The following STIP1 variants were observed in gnomAD, a reference collection of about 807,000 sequenced individuals.
The protein encoded by STIP1 is stress induced phosphoprotein 1, also known as stress-induced-phosphoprotein 1.
In STIP1, 16 loss-of-function variants were observed where a neutral mutation model predicts 77.4. That is an observed-to-expected ratio of 0.21 (90% CI 0.14 to 0.31). The LOEUF is 0.31. STIP1 is among the 10% of genes least tolerant of loss of function. The pLI, the probability that STIP1 is intolerant of heterozygous loss-of-function variation, is 1.00. For synonymous variants in STIP1, 258 were observed against 246.6 expected, an observed-to-expected ratio of 1.05 and a Z score of -0.44; for missense variants, 524 against 684.8, an observed-to-expected ratio of 0.77 and a Z score of 2.62.
At chr11:64,203,664 C>T (rs1368990695) in intron 13 of STIP1, 42 bp downstream of exon 13, 1 of 1,613,156 alleles carries the variant, frequency 6.2e-7, no homozygotes, top group Non-Finnish European at 8.5e-7. Context: ...AAATGGAGAA[C>T]AAAAGCAGGC....
chr11:64,185,931 T>C (rs1048285787), upstream of STIP1: 2 of 1,536,336 alleles, frequency 1.3e-6, no homozygotes, highest in African/African-American at 2.7e-5. Flanking sequence ...CCAATCCGTG[T>C]CGCAGAAGTT....
chr11:64,197,125 A>G (rs998225193), intron 5 of STIP1, 146 bp from the exon 6 acceptor site: 8 of 1,018,816 alleles, frequency 7.9e-6, no homozygotes, highest in South Asian at 3.4e-5. Flanking sequence ...TTTATTGTCT[A>G]TAGCTGACTG....
At chr11:64,201,440 G>A (rs1336788923) in intron 10 of STIP1, among the ~76,000 whole-genome samples, 3 of 152,162 alleles carry the variant, frequency 2.0e-5, no homozygotes, top group Non-Finnish European at 4.4e-5. Flanking sequence ...GCTGTTCTCA[G>A]TCATATCAAG....
In STIP1 at chr11:64,204,306, T is replaced by A; in HGVS notation, c.*180T>A. ...GCGCTGTTTGTGCCGCCGCTGCCTCTGGGCCCTCCCAGCACACGCATGGTC... is the reference window on the plus strand; with the variant it reads ...GCGCTGTTTGTGCCGCCGCTGCCTCAGGGCCCTCCCAGCACACGCATGGTC... On this transcript the variant is annotated 3_prime_UTR_variant, in exon 14 of 14. Coordinates refer to ENST00000305218, the MANE Select transcript of STIP1 (RefSeq NM_006819.3). 1 of 623,016 alleles carries A rather than the reference T, an allele frequency of 1.6e-6. No individual in the cohort carries two copies. The allele number at this position is 623,016 out of a possible 1,614,324, so 38.6% of individuals were successfully genotyped here.
intron 8 of STIP1, among the ~76,000 whole-genome samples, chr11:64,199,348 T>TA (rs971108325): frequency 1.4e-5 from 2 of 146,888 alleles, no homozygotes; most frequent in Non-Finnish European, 3.0e-5. Flanking sequence ...ACTAAATAAA[T>TA]AAAAAAAATT....
chr11:64,194,213 C>T lies in STIP1; in HGVS notation c.244C>T (p.Leu82=), dbSNP rs1266540845. ...GKGYSRKAAA[L]EFLNRFEEAK... is the part of the protein sequence containing the mutation. ...GGGCTATTCACGAAAAGCAGCAGCT[C>T]TAGAGTTCTTAAACCGCTTTGAAGA... Residue 82 remains leucine (L), a synonymous_variant, in exon 3 of 14, where the codon CTA becomes TTA. Coordinates refer to ENST00000305218, the MANE Select transcript of STIP1 (RefSeq NM_006819.3). The T allele has an allele frequency of 2.5e-6, 4 of 1,614,110 alleles. No individual in the cohort carries two copies. In the African/African-American group the frequency reaches 4.0e-5, roughly 16 times the overall value.
rs1214274387 is a variant in STIP1 at position 64,204,408 on chromosome 11, GTTTTTTTTTTA to G, written c.*286_*296del. 2.6e-6 allele frequency: 1 copy of G among 384,982 alleles called. No homozygotes were observed. The highest frequency in any genetic ancestry group is 4.7e-6 in the Non-Finnish European group (1 of 214,726). The allele number at this position is 384,982 out of a possible 1,614,324, so 23.8% of individuals were successfully genotyped here. On this transcript the variant is annotated 3_prime_UTR_variant, in exon 14 of 14. Coordinates refer to ENST00000305218, the MANE Select transcript of STIP1 (RefSeq NM_006819.3). The stretch of plus-strand genomic sequence containing the variant: ...TGTCTCGGCTGCTCTCCCATAGTTG[GTTTTTTTTTTA>G]TTTGGGGCAGTGGGCATGTTATGGG...
intron 8 of STIP1, among the ~76,000 whole-genome samples, chr11:64,199,287 G>C (rs1238115140): frequency 6.6e-6 from 1 of 151,334 alleles, no homozygotes; most frequent in Non-Finnish European, 1.5e-5. Flanking sequence ...GGCGGATCAA[G>C]AGGTCAGGAG....
chr11:64,186,040 C>T, upstream of STIP1: 1 of 1,545,842 alleles, frequency 6.5e-7, no homozygotes, highest in South Asian at 1.2e-5. Context: ...AATTACTCCC[C>T]GCTGTCCAAT....
Position 64,197,296 on chromosome 11 carries a change from A to G in STIP1, c.698A>G (p.Asn233Ser), listed in dbSNP as rs767820785. ...KQALKEKELG[N>S]DAYKKKDFDT... is the part of the protein sequence containing the mutation. ...GCACTGAAAGAAAAAGAGCTGGGGA[A>G]CGATGCCTACAAGAAGAAAGACTTT... The change falls in exon 6 of 14, where the codon AAC (asparagine) becomes AGC (serine). Residue 233 changes from asparagine to serine, a missense_variant. Coordinates refer to ENST00000305218, the MANE Select transcript of STIP1 (RefSeq NM_006819.3). 5 of 1,614,118 alleles carry G rather than the reference A, an allele frequency of 3.1e-6. No homozygotes were observed. Among genetic ancestry groups the G allele is most frequent in the South Asian group, 1.1e-5 (1 of 91,080 alleles).
chr11:64,202,905 G>A lies in STIP1; in HGVS notation c.1275G>A (p.Pro425=), dbSNP rs745947249. ...KDCEECIQLE[P]TFIKGYTRKA... ...GTGAGGAATGTATCCAGCTGGAGCCGACCTTCAGTAAGTGCCTTTCTGCTG... is the reference window on the plus strand; with the variant it reads ...GTGAGGAATGTATCCAGCTGGAGCCAACCTTCAGTAAGTGCCTTTCTGCTG... The change falls in exon 11 of 14, where the codon CCG becomes CCA. Residue 425 remains proline (P), a synonymous_variant. Transcript: ENST00000305218. 6.8e-6 allele frequency: 11 copies of A among 1,614,042 alleles called. No homozygotes were observed. Among genetic ancestry groups the A allele is most frequent in the Admixed American group, 3.3e-5 (2 of 59,998 alleles).
chr11:64,193,380 T>C lies in STIP1; in HGVS notation c.219+93T>C. The C allele has an allele frequency of 2.7e-6, 3 of 1,121,114 alleles. No homozygotes were observed. The South Asian group carries it at 4.0e-5, about 15-fold the overall frequency. The allele number at this position is 1,121,114 out of a possible 1,614,324, so 69.4% of individuals were successfully genotyped here. On this transcript the variant is annotated intron_variant, in intron 2 of 13. Coordinates refer to ENST00000305218, the MANE Select transcript of STIP1 (RefSeq NM_006819.3). Reference sequence around the variant, plus strand: ...AGGTTTACCTGTCCTGATACACTGATAGTTACCTACCCACCTCCCTGTTTG... The same window carrying C: ...AGGTTTACCTGTCCTGATACACTGACAGTTACCTACCCACCTCCCTGTTTG...
In STIP1 at chr11:64,189,414, C is replaced by T. The variant is rs974852584; in HGVS notation, c.9+3144C>T. ...TTGTGGTGCGCGCCTGTGGTCCCAG[C>T]TACGTGGGAGGCTGAGGCAGGACAA... On this transcript the variant is annotated intron_variant, in intron 1 of 13. Coordinates refer to ENST00000305218, the MANE Select transcript of STIP1 (RefSeq NM_006819.3). Among the ~76,000 whole-genome samples the T allele has an allele frequency of 4.6e-5, 7 of 152,204 alleles. No individual in the cohort carries two copies. The East Asian group carries it at 5.8e-4, about 13-fold the overall frequency.
At position 64,204,150 on chromosome 11, in the gene STIP1, T is replaced by G; in HGVS notation, c.*24T>G. 3.7e-6 allele frequency: 6 copies of G among 1,613,634 alleles called. No individual in the cohort carries two copies. Among genetic ancestry groups the G allele is most frequent in the Non-Finnish European group, 5.1e-6 (6 of 1,179,746 alleles). The stretch of plus-strand genomic sequence containing the variant: ...GATGACTTGTTCATCCCCCCTTCCC[T>G]TCGCCCTCATGTGGAAAGAGGAGCT... On this transcript the variant is annotated 3_prime_UTR_variant, in exon 14 of 14. Coordinates refer to ENST00000305218, the MANE Select transcript of STIP1 (RefSeq NM_006819.3).
At position 64,195,762 on chromosome 11, in the gene STIP1, G is replaced by T; in HGVS notation, c.621G>T (p.Lys207Asn). The change falls in exon 5 of 14, where the codon AAG becomes AAT. Residue 207 changes from lysine to asparagine, a missense_variant. Lys to Asn is a moderately conservative substitution (Grantham distance 94, BLOSUM62 0). Transcript: ENST00000305218. ...ATPPPPPPPK[K>N]ETKPEPMEED... is the part of the protein sequence containing the mutation. The stretch of plus-strand genomic sequence containing the variant: ...CTCCACCACCACCCCCTCCCAAAAA[G>T]GAGACCAAGCCAGAGCCAATGGAAG... 6.2e-7 allele frequency: 1 copy of T among 1,614,064 alleles called. No individual in the cohort carries two copies. Among genetic ancestry groups the T allele is most frequent in the Non-Finnish European group, 8.5e-7 (1 of 1,179,994 alleles).
chr11:64,186,742 C>T (rs1946025083), intron 1 of STIP1, among the ~76,000 whole-genome samples: 1 of 152,182 alleles, frequency 6.6e-6, no homozygotes, highest in Admixed American at 6.5e-5. Context: ...TGGACGGATC[C>T]AGGGAGCGGG....
intron 1 of STIP1, among the ~76,000 whole-genome samples, chr11:64,188,667 G>A (rs1200165816): frequency 6.6e-6 from 1 of 152,204 alleles, no homozygotes; most frequent in African/African-American, 2.4e-5. Context: ...ACAGGCGTGA[G>A]TCACCTTGCC....
At position 64,186,539 on chromosome 11, in the gene STIP1, C is replaced by T. The variant is rs1591000915; in HGVS notation, c.9+269C>T. ...CAGCTTGGGTGAGTCCGGCCGGCGG[C>T]GGGAAGAGGGGTCGCGACCGGGCCC... On this transcript the variant is annotated intron_variant, in intron 1 of 13. Coordinates refer to ENST00000305218, the MANE Select transcript of STIP1 (RefSeq NM_006819.3). 7 of 174,052 alleles carry T rather than the reference C, an allele frequency of 4.0e-5. No homozygotes were observed. In the East Asian group the frequency reaches 7.5e-4, roughly 19 times the overall value. 10.8% of individuals were successfully genotyped at this position (174,052 alleles called of 1,614,324 possible).
At chr11:64,189,313 A>G (rs1003142776) in intron 1 of STIP1, among the ~76,000 whole-genome samples, 4 of 152,142 alleles carry the variant, frequency 2.6e-5, no homozygotes, top group Non-Finnish European at 5.9e-5. Context: ...GTGAGCCGAG[A>G]TTGCGCCACT....
Sources: gnomAD v4.1 joint callset for allele counts (sites outside exome capture counted in the v4.1 genomes callset) on GRCh38, gnomAD v4.1.1 for gene constraint, MANE v1.5 for transcripts, NCBI Gene and HGNC (gene_info 2026-07-23, HGNC 2026-07-21) for gene names.